GPR89B: variants seen among roughly 807,000 people sequenced by gnomAD.
GPR89B encodes G protein-coupled receptor 89B.
A neutral mutation model predicts 52.4 loss-of-function variants in GPR89B; 25 were observed. The observed-to-expected ratio is 0.48, with a 90% CI of 0.35 to 0.67. The LOEUF (loss-of-function observed/expected upper bound fraction) is 0.67, where lower values mean the gene tolerates loss of function less well. Ranked by LOEUF, GPR89B falls within the 30% of genes least tolerant of loss-of-function variation. The probability of loss-of-function intolerance (pLI) is 0.01; values close to 1 mark genes in which losing one functional copy is unlikely to be tolerated. For synonymous variants in GPR89B, 52 were observed against 151.2 expected (o/e 0.34, Z 4.81); for missense variants, 146 against 450.2 (o/e 0.32, Z 6.11).
At chr1:147,936,532 C>T (rs1235636913) in intron 1 of GPR89B, 95 bp from the exon 2 acceptor site, 25 of 752,900 alleles carry the variant, frequency 3.3e-5, no homozygotes, top group South Asian at 2.0e-4. Flanking sequence ...ATAAGTTAAC[C>T]GTCTAGTTAG....
chr1:147,952,083 GAGA>G (rs1655757585), intron 5 of GPR89B, among the ~76,000 whole-genome samples: 1 of 152,086 alleles, frequency 6.6e-6, no homozygotes, highest in South Asian at 2.1e-4. Flanking sequence ...ATTGGCAAAG[GAGA>G]AGGACAAAGG....
chr1:147,998,628 C>T, the GPR89B span, among the ~76,000 whole-genome samples: 1 of 151,742 alleles, frequency 6.6e-6, no homozygotes, highest in Non-Finnish European at 1.5e-5. Flanking sequence ...GCCTGAAATC[C>T]CAGCACTTTG....
chr1:147,996,640 T>C, downstream of GPR89B: 1 of 1,611,682 alleles, frequency 6.2e-7, no homozygotes, highest in Non-Finnish European at 8.5e-7. Flanking sequence ...CTGTAGTATC[T>C]GGTGGACTTG....
At chr1:148,014,528 C>T in the GPR89B span, 1 of 151,416 alleles carries the variant, frequency 6.6e-6, no homozygotes, top group Admixed American at 6.6e-5. Context: ...GTGGACTAGC[C>T]TCCTCCAGGG....
the GPR89B span, chr1:148,011,766 G>C: frequency 3.9e-5 from 6 of 152,186 alleles, no homozygotes; most frequent in African/African-American, 1.4e-4. Flanking sequence ...GGGATTCTGT[G>C]TCCCTGTTAT....
At chr1:148,010,051 TA>T in the GPR89B span, 9,416 of 117,624 alleles carry the variant, frequency 0.08, 319 homozygotes, top group African/African-American at 0.13. Context: ...CTCATGGGTT[TA>T]AAAAAAAAAA....
chr1:147,971,230 A>G lies in GPR89B; in HGVS notation c.909+1271A>G, dbSNP rs1408584338. 3.3e-5 allele frequency among the ~76,000 whole-genome samples: 5 copies of G among 151,412 alleles called. No individual in the cohort carries two copies. In the East Asian group the frequency reaches 5.8e-4, roughly 18 times the overall value. On this transcript the variant is annotated intron_variant, in intron 10 of 13. Transcript: ENST00000314163. Reference sequence around the variant, plus strand: ...AGTGGTGCGATCTCAGCTCACTGCAACCTCTGCCTCCTGGGCTCAAGCAAT... The same window carrying G: ...AGTGGTGCGATCTCAGCTCACTGCAGCCTCTGCCTCCTGGGCTCAAGCAAT...
At chr1:147,932,902 G>C (rs1553247260) in intron 1 of GPR89B, among the ~76,000 whole-genome samples, 1 of 152,050 alleles carries the variant, frequency 6.6e-6, no homozygotes, top group East Asian at 1.9e-4. Flanking sequence ...AAACAAGCTT[G>C]AGTTCAATCT....
chr1:148,017,598 C>T, the GPR89B span, among the ~76,000 whole-genome samples: 1 of 149,494 alleles, frequency 6.7e-6, no homozygotes, highest in African/African-American at 2.5e-5. Flanking sequence ...ATTAGCCAGG[C>T]GTGGTGGCGG....
chr1:148,022,140 C>T, the GPR89B span: 2 of 151,944 alleles, frequency 1.3e-5, no homozygotes, highest in South Asian at 4.1e-4. Context: ...TTGGTCTCTA[C>T]AGGAGGTTTA....
At chr1:148,014,522 A>C in the GPR89B span, 1 of 151,326 alleles carries the variant, frequency 6.6e-6, no homozygotes, top group Non-Finnish European at 1.5e-5. Flanking sequence ...AGTGTGGTGG[A>C]CTAGCCTCCT....
Position 147,978,869 on chromosome 1 carries a change from A to G in GPR89B, c.910-7330A>G, listed in dbSNP as rs2796954. Among the ~76,000 whole-genome samples, 1,193 of 141,886 alleles carry G rather than the reference A, an allele frequency of 8.4e-3. 10 individuals carry two copies. Among genetic ancestry groups the G allele is most frequent in the East Asian group, 0.014 (70 of 4,832 alleles). The allele number at this position is 141,886 out of a possible 152,430, so 93.1% of individuals were successfully genotyped here. On this transcript the variant is annotated intron_variant, in intron 10 of 13. Coordinates refer to ENST00000314163, the MANE Select transcript of GPR89B (RefSeq NM_016334.5). The stretch of plus-strand genomic sequence containing the variant: ...GACTGGACCTGCAGTGATGGTGGCT[A>G]TCCCGGGAACTTGGTCGTCTTAGGC...
chr1:148,002,789 T>C, the GPR89B span, among the ~76,000 whole-genome samples: 2 of 152,194 alleles, frequency 1.3e-5, no homozygotes, highest in African/African-American at 4.8e-5. Context: ...CATGTGCCAA[T>C]TAAACTGTGC....
chr1:147,986,370 A>G, intron 11 of GPR89B, 76 bp downstream of exon 11: 1 of 1,596,576 alleles, frequency 6.3e-7, no homozygotes, highest in Non-Finnish European at 8.5e-7. Context: ...TAAGATTCTA[A>G]TTTGTATACT....
At chr1:147,999,213 C>G in the GPR89B span, among the ~76,000 whole-genome samples, 1 of 151,606 alleles carries the variant, frequency 6.6e-6, no homozygotes, top group Non-Finnish European at 1.5e-5. Context: ...CCACCAACTG[C>G]AAAATGACTC....
At chr1:147,949,666 G>T (rs1338964885) in intron 5 of GPR89B, among the ~76,000 whole-genome samples, 3 of 131,652 alleles carry the variant, frequency 2.3e-5, no homozygotes, top group Admixed American at 2.1e-4. Flanking sequence ...CTGGCCGGGC[G>T]GGGGGCTGAC....
chr1:147,977,253 A>C (rs1479468433), intron 10 of GPR89B, among the ~76,000 whole-genome samples: 134 of 151,054 alleles, frequency 8.9e-4, no homozygotes, highest in Admixed American at 1.6e-3. Flanking sequence ...AAAAAAAAAA[A>C]AAAAAAAAAC....
chr1:147,951,000 T>G (rs1553250967), intron 5 of GPR89B, among the ~76,000 whole-genome samples: 12 of 151,558 alleles, frequency 7.9e-5, no homozygotes. Context: ...ATAAAATAAT[T>G]TTAAACAAAA....
At chr1:148,019,611 G>A in the GPR89B span, among the ~76,000 whole-genome samples, 1 of 151,842 alleles carries the variant, frequency 6.6e-6, no homozygotes, top group Admixed American at 6.6e-5. Context: ...AATGTAAAAA[G>A]GAAAGAAAAT....
Sources: gnomAD v4.1 joint callset for allele counts (sites outside exome capture counted in the v4.1 genomes callset) on GRCh38, gnomAD v4.1.1 for gene constraint, MANE v1.5 for transcripts, NCBI Gene and HGNC (gene_info 2026-07-23, HGNC 2026-07-21) for gene names.